SIPA1L1: variants seen among roughly 807,000 people sequenced by gnomAD.
SIPA1L1 encodes signal induced proliferation associated 1 like 1, also known as signal-induced proliferation-associated 1-like protein 1.
Under a neutral mutation model 162.7 loss-of-function variants are expected in SIPA1L1, and 26 were observed. The ratio of observed to expected loss-of-function variants is 0.16; its 90% CI spans 0.12 to 0.22. SIPA1L1 has a LOEUF of 0.22. Ranked by LOEUF, SIPA1L1 falls within the 10% of genes least tolerant of loss-of-function variation. The probability of loss-of-function intolerance (pLI) is 1.00; values close to 1 mark genes in which losing one functional copy is unlikely to be tolerated. For missense variants in SIPA1L1, 1,874 were observed against 2,241.0 expected, an observed-to-expected ratio of 0.84 and a Z score of 3.31; for synonymous variants, 829 against 837.4, an observed-to-expected ratio of 0.99 and a Z score of 0.17.
Position 71,698,968 on chromosome 14 carries a change from A to G in SIPA1L1, c.3375-13A>G, listed in dbSNP as rs373622003. 3.7e-6 allele frequency: 6 copies of G among 1,613,810 alleles called. No individual in the cohort carries two copies. In the African/African-American group the frequency reaches 5.3e-5, roughly 14 times the overall value. Reference sequence around the variant, plus strand: ...TGAATTGTTGACTTCATGTTTTTGTATTGCACATGCAGGCTGTCTCCTGGT... The same window carrying G: ...TGAATTGTTGACTTCATGTTTTTGTGTTGCACATGCAGGCTGTCTCCTGGT... On this transcript the variant is annotated splice_polypyrimidine_tract_variant and intron_variant, in intron 13 of 23. Coordinates refer to ENST00000381232, the MANE Select transcript of SIPA1L1 (RefSeq NM_001386936.1).
At chr14:71,529,844 A>T (rs896370910) in intron 4 of SIPA1L1, among the ~76,000 whole-genome samples, 1 of 152,196 alleles carries the variant, frequency 6.6e-6, no homozygotes, top group Non-Finnish European at 1.5e-5. Context: ...CGTGGCTCCA[A>T]TGTGGGTTTG....
Position 71,377,285 on chromosome 14 carries a change from T to G in SIPA1L1, c.-465+56104T>G, listed in dbSNP as rs1216266215. ...GGGCGGCGGCCGGACGGGGGCGTTC[T>G]CCACTTCTCAGACAGGGCGGCTGCC... On this transcript the variant is annotated intron_variant, in intron 2 of 23. Transcript: ENST00000381232. This position sits in a 1 kb window ranked among gnomAD's most constrained non-coding sequence, Gnocchi z 4.8. 2.0e-5 allele frequency among the ~76,000 whole-genome samples: 3 copies of G among 150,366 alleles called. No individual in the cohort carries two copies. Among genetic ancestry groups the G allele is most frequent in the Non-Finnish European group, 4.4e-5 (3 of 67,580 alleles).
chr14:71,737,657 G>C (rs977485612), intron 22 of SIPA1L1, among the ~76,000 whole-genome samples: 1 of 152,162 alleles, frequency 6.6e-6, no homozygotes, highest in Non-Finnish European at 1.5e-5. Context: ...AGAAGAAAAT[G>C]GTTTTTTGAT....
intron 19 of SIPA1L1, among the ~76,000 whole-genome samples, chr14:71,729,545 C>T (rs906475159): frequency 6.6e-6 from 1 of 152,070 alleles, no homozygotes; most frequent in Non-Finnish European, 1.5e-5. Context: ...GTCAGGATAC[C>T]CTCTTGGCAC....
chr14:71,480,790 CA>C (rs1250478563), intron 2 of SIPA1L1, among the ~76,000 whole-genome samples: 3 of 151,954 alleles, frequency 2.0e-5, no homozygotes, highest in African/African-American at 7.3e-5. Context: ...AACAAAAAAA[CA>C]AAGGTCATTT....
At chr14:71,565,613 C>T (rs2030322100) in intron 4 of SIPA1L1, among the ~76,000 whole-genome samples, 1 of 152,308 alleles carries the variant, frequency 6.6e-6, no homozygotes, top group African/African-American at 2.4e-5. Flanking sequence ...ATGCAATAGT[C>T]ATTTGGGTTG....
At chr14:71,573,401 G>T (rs918610430) in intron 4 of SIPA1L1, 2 of 364,118 alleles carry the variant, frequency 5.5e-6, no homozygotes, top group African/African-American at 4.3e-5. Context: ...GCAGTTCCTG[G>T]CCTGAAGCAC....
At chr14:71,670,340 A>G (rs1469463107) in intron 10 of SIPA1L1, among the ~76,000 whole-genome samples, 2 of 152,206 alleles carry the variant, frequency 1.3e-5, no homozygotes, top group Non-Finnish European at 2.9e-5. Context: ...GTCAGAAGAA[A>G]TGACTGGAAC....
intron 4 of SIPA1L1, among the ~76,000 whole-genome samples, chr14:71,532,395 A>G (rs1380004699): frequency 6.6e-6 from 1 of 152,186 alleles, no homozygotes; most frequent in African/African-American, 2.4e-5. Context: ...TATTAATGGC[A>G]TACAAAAGGA....
chr14:71,715,671 G>A (rs533634086), intron 17 of SIPA1L1, among the ~76,000 whole-genome samples: 1 of 152,134 alleles, frequency 6.6e-6, no homozygotes, highest in South Asian at 2.1e-4. Context: ...AAGACCAAAG[G>A]TTTTTTGTCA....
intron 2 of SIPA1L1, among the ~76,000 whole-genome samples, chr14:71,438,826 A>G (rs572070509): frequency 2.0e-5 from 3 of 152,158 alleles, no homozygotes; most frequent in Non-Finnish European, 4.4e-5. Context: ...TCATGCTCTC[A>G]TGTGCTTCTG....
intron 5 of SIPA1L1, among the ~76,000 whole-genome samples, chr14:71,598,973 C>T (rs1302907770): frequency 6.6e-6 from 1 of 152,002 alleles, no homozygotes; most frequent in Non-Finnish European, 1.5e-5. Flanking sequence ...ACACACCCTT[C>T]CTGGTCTCTG....
intron 2 of SIPA1L1, among the ~76,000 whole-genome samples, chr14:71,350,226 A>AACACACAC (rs10664371): frequency 1.6e-4 from 23 of 146,896 alleles, no homozygotes; most frequent in Middle Eastern, 3.4e-3. Flanking sequence ...GTCTCTACTA[A>AACACACAC]ACACACACAC....
intron 14 of SIPA1L1, 154 bp from the exon 15 acceptor site, chr14:71,702,227 G>T (rs1566687950): frequency 1.4e-6 from 1 of 716,634 alleles, no homozygotes; most frequent in African/African-American, 1.8e-5. Context: ...CCACACCCAC[G>T]TAAACACGAA....
At chr14:71,385,148 A>T (rs1435049844) in intron 2 of SIPA1L1, among the ~76,000 whole-genome samples, 1 of 152,232 alleles carries the variant, frequency 6.6e-6, no homozygotes, top group East Asian at 1.9e-4. Flanking sequence ...CCGATGCCCC[A>T]GATTAAAAGC....
At chr14:71,715,928 A>G (rs1033361947) in intron 17 of SIPA1L1, among the ~76,000 whole-genome samples, 3 of 152,228 alleles carry the variant, frequency 2.0e-5, no homozygotes, top group African/African-American at 7.2e-5. Context: ...TTAGCCCCTT[A>G]TTAAATAGCT....
intron 3 of SIPA1L1, among the ~76,000 whole-genome samples, chr14:71,527,432 C>T (rs1432996432): frequency 1.3e-5 from 2 of 151,994 alleles, no homozygotes; most frequent in African/African-American, 4.8e-5. Context: ...TTCTCAAACT[C>T]CTGGGCTCAA....
Position 71,588,126 on chromosome 14 carries a change from C to T in SIPA1L1, c.254C>T (p.Pro85Leu), listed in dbSNP as rs1013384807. The T allele has an allele frequency of 1.2e-6, 2 of 1,613,974 alleles. No individual in the cohort carries two copies. The highest frequency in any genetic ancestry group is 2.7e-5 in the African/African-American group (2 of 74,904). The part of the protein sequence containing the change: ...GVRARIADWP[P>L]RKENIKESSR... The stretch of plus-strand genomic sequence containing the variant: ...AGGGCAAGGATTGCAGATTGGCCCC[C>T]AAGAAAGGAAAACATAAAAGAATCT... The change falls in exon 5 of 24, where the codon CCA becomes CTA. Residue 85 changes from proline (P) to leucine (L), a missense_variant. This residue lies in a region of SIPA1L1 where 685 missense variants were observed against 828.0 expected (regional missense o/e 0.83). Transcript: ENST00000381232. The surrounding 1 kb of genome is among the most constrained non-coding windows in gnomAD (Gnocchi z 4.3).
chr14:71,561,646 G>A (rs1279581990), intron 4 of SIPA1L1, among the ~76,000 whole-genome samples: 1 of 152,162 alleles, frequency 6.6e-6, no homozygotes, highest in Non-Finnish European at 1.5e-5. Context: ...GGAGTGCAAT[G>A]GCATGGTCTC....
Sources: allele counts gnomAD v4.1 joint callset (sites outside exome capture counted in the v4.1 genomes callset), GRCh38; gene constraint gnomAD v4.1.1; regional missense constraint gnomAD v4.1.1; non-coding constraint Gnocchi (gnomAD v3.1); transcripts MANE v1.5; gene names NCBI Gene and HGNC (gene_info 2026-07-23, HGNC 2026-07-21).